The following NPL variants were observed in gnomAD, a reference collection of about 807,000 sequenced individuals.
NPL encodes N-acetylneuraminate lyase.
In NPL, 32 loss-of-function variants were observed where a neutral mutation model predicts 41.1. The ratio of observed to expected loss-of-function variants is 0.78; its 90% CI spans 0.59 to 1.05. NPL has a LOEUF of 1.05. Among genes scored for constraint, NPL ranks in the 50% least tolerant of loss-of-function variants. NPL has a pLI of 0.00. For missense variants in NPL, 321 were observed against 378.4 expected (o/e 0.85, Z 1.26); for synonymous variants, 128 against 134.9 (o/e 0.95, Z 0.35).
At chr1:182,802,984 GT>G (rs1325053040) in intron 3 of NPL, among the ~76,000 whole-genome samples, 1 of 152,186 alleles carries the variant, frequency 6.6e-6, no homozygotes, top group Non-Finnish European at 1.5e-5. Context: ...TGATGACAAA[GT>G]TCCCTTCTAA....
Position 182,829,136 on chromosome 1 carries a change from G to A in NPL, c.*228G>A. On this transcript the variant is annotated 3_prime_UTR_variant, in exon 13 of 13. Transcript: ENST00000367553. ...TCATTCATTTCACAGATTTTTTTGT[G>A]GAGAAATTTCTGTTTATATGGATGA... is the stretch of plus-strand genomic sequence containing the variant. The A allele has an allele frequency of 7.3e-7, 1 of 1,370,674 alleles. No individual in the cohort carries two copies. Among genetic ancestry groups the A allele is most frequent in the Non-Finnish European group, 9.4e-7 (1 of 1,065,772 alleles). The allele number at this position is 1,370,674 out of a possible 1,614,324, so 84.9% of individuals were successfully genotyped here.
intron 3 of NPL, among the ~76,000 whole-genome samples, chr1:182,801,876 G>T (rs964545271): frequency 5.3e-5 from 8 of 151,990 alleles, no homozygotes; most frequent in Non-Finnish European, 4.4e-5. Context: ...GAGGACATAG[G>T]GTTTTGTCCT....
At chr1:182,824,745 C>G (rs1036433147) in intron 11 of NPL, among the ~76,000 whole-genome samples, 4 of 152,010 alleles carry the variant, frequency 2.6e-5, no homozygotes, top group Non-Finnish European at 5.9e-5. Flanking sequence ...TGCAGTGAGG[C>G]GAGATCATGC....
Position 182,828,732 on chromosome 1 carries a change from G to T in NPL, c.787G>T (p.Val263Leu), listed in dbSNP as rs1311439219. 1 of 1,614,190 alleles carries T rather than the reference G, an allele frequency of 6.2e-7. No homozygotes were observed. Reference protein sequence around the residue: ...INFVVKLGFGVSQTKAIMTLV... With the variant: ...INFVVKLGFGLSQTKAIMTLV... ...TTGTTTTTCCCGTCTAGGTTTTGGA[G>T]TGTCACAGACCAAAGCCATCATGAC... Residue 263 changes from valine to leucine, a missense_variant, in exon 13 of 13, where the codon GTG becomes TTG. Val to Leu is a conservative substitution (Grantham distance 32, BLOSUM62 1). Transcript: ENST00000367553. The surrounding 1 kb of genome is among the most constrained non-coding windows in gnomAD (Gnocchi z 4.0).
In NPL at chr1:182,829,273, A is replaced by T; in HGVS notation, c.*365A>T. 2 of 1,189,530 alleles carry T rather than the reference A, an allele frequency of 1.7e-6. No homozygotes were observed. Among genetic ancestry groups the T allele is most frequent in the Non-Finnish European group, 1.0e-6 (1 of 956,834 alleles). 73.7% of individuals were successfully genotyped at this position (1,189,530 alleles called of 1,614,324 possible). A position where few individuals can be genotyped will look rare whatever the true frequency, so the allele number is the denominator to read the frequency against. On this transcript the variant is annotated 3_prime_UTR_variant, in exon 13 of 13. Coordinates refer to ENST00000367553, the MANE Select transcript of NPL (RefSeq NM_030769.3). ...TTTTAAAGTTGTCTAATTTTAAACC[A>T]CTATAATATGTCTTCATTTTAATAA...
At position 182,804,109 on chromosome 1, in the gene NPL, A is replaced by G. The variant is rs1666934457; in HGVS notation, c.142+338A>G. Among the ~76,000 whole-genome samples the G allele has an allele frequency of 2.6e-5, 4 of 152,118 alleles. No homozygotes were observed. In the South Asian group the frequency reaches 8.3e-4, roughly 32 times the overall value. On this transcript the variant is annotated intron_variant, in intron 4 of 12. Transcript: ENST00000367553. ...AACAACCAAACCCTCTTAAGTAACA[A>G]CTAAACACTCTTCTCTCTTTTGTTT... is the stretch of plus-strand genomic sequence containing the variant.
intron 8 of NPL, 98 bp from the exon 9 acceptor site, chr1:182,818,443 C>T (rs1571271711): frequency 6.0e-6 from 9 of 1,499,502 alleles, no homozygotes; most frequent in Non-Finnish European, 8.3e-6. Flanking sequence ...TTCTGGCTGA[C>T]AGCAGCGTGT....
At chr1:182,820,312 AAG>A (rs1667454140) in intron 10 of NPL, among the ~76,000 whole-genome samples, 1 of 152,206 alleles carries the variant, frequency 6.6e-6, no homozygotes, top group Non-Finnish European at 1.5e-5. Flanking sequence ...CATTAACTGA[AAG>A]GTACCAGGGG....
chr1:182,801,818 C>G (rs1666855638), intron 3 of NPL, among the ~76,000 whole-genome samples: 1 of 152,052 alleles, frequency 6.6e-6, no homozygotes. Flanking sequence ...GCCTGGGCGA[C>G]AGAGTGAGAC....
At chr1:182,808,218 A>G (rs959517130) in intron 5 of NPL, among the ~76,000 whole-genome samples, 1 of 152,220 alleles carries the variant, frequency 6.6e-6, no homozygotes, top group Admixed American at 6.5e-5. Flanking sequence ...CACAGTTCAC[A>G]TAACACATTC....
intron 5 of NPL, among the ~76,000 whole-genome samples, chr1:182,807,943 G>C (rs1288397832): frequency 6.6e-6 from 1 of 150,618 alleles, no homozygotes; most frequent in South Asian, 2.1e-4. Flanking sequence ...AGGGAAGTAG[G>C]CAGAGACAGA....
At chr1:182,793,191 A>G (rs1047227335) in intron 2 of NPL, among the ~76,000 whole-genome samples, 7 of 152,328 alleles carry the variant, frequency 4.6e-5, no homozygotes, top group South Asian at 2.1e-4. Context: ...TATGTCTTAT[A>G]GCTCAAAAAA....
chr1:182,822,980 C>G (rs182034873), intron 11 of NPL, among the ~76,000 whole-genome samples: 2 of 152,188 alleles, frequency 1.3e-5, no homozygotes, highest in African/African-American at 4.8e-5. Flanking sequence ...GCAGTCCTCC[C>G]GCCTCAGCCT....
At chr1:182,792,148 A>G (rs532376847) in intron 1 of NPL, 84 bp from the exon 2 acceptor site, 3 of 152,358 alleles carry the variant, frequency 2.0e-5, no homozygotes, top group African/African-American at 7.2e-5. Context: ...TGTGCCTAGC[A>G]TTGTTGTTAA....
At chr1:182,803,651 T>C (rs377737460) in intron 3 of NPL, 47 bp from the exon 4 acceptor site, 1 of 1,271,446 alleles carries the variant, frequency 7.9e-7, no homozygotes, top group Non-Finnish European at 1.2e-6. Context: ...TGTTGAATAA[T>C]AATCTGAAAA....
intron 7 of NPL, among the ~76,000 whole-genome samples, chr1:182,815,926 T>C (rs1487693416): frequency 1.3e-5 from 2 of 152,236 alleles, no homozygotes; most frequent in Non-Finnish European, 2.9e-5. Flanking sequence ...TTTTTTCACA[T>C]GGCTTTACAA....
intron 10 of NPL, among the ~76,000 whole-genome samples, chr1:182,819,340 G>A (rs911565712): frequency 8.5e-5 from 13 of 152,290 alleles, no homozygotes; most frequent in South Asian, 2.1e-4. Flanking sequence ...CAGCTACTTG[G>A]GAGGCTGAGG....
At chr1:182,802,217 T>A (rs544439570) in intron 3 of NPL, among the ~76,000 whole-genome samples, 2 of 152,342 alleles carry the variant, frequency 1.3e-5, no homozygotes, top group African/African-American at 4.8e-5. Context: ...TATGGAGGCA[T>A]GTGCCATAAT....
At chr1:182,810,418 CTCTT>C (rs1206207554) in intron 5 of NPL, among the ~76,000 whole-genome samples, 6 of 152,176 alleles carry the variant, frequency 3.9e-5, no homozygotes, top group Non-Finnish European at 7.4e-5. Context: ...TTTGAGGAAA[CTCTT>C]TATTTTTCTC....
Sources: allele counts gnomAD v4.1 joint callset (sites outside exome capture counted in the v4.1 genomes callset), GRCh38; gene constraint gnomAD v4.1.1; non-coding constraint Gnocchi (gnomAD v3.1); transcripts MANE v1.5; gene names NCBI Gene and HGNC (gene_info 2026-07-23, HGNC 2026-07-21).